Variants in EML5 observed in about 807,000 individuals in gnomAD.
EML5 encodes echinoderm microtubule-associated protein-like 5.
A neutral mutation model predicts 250.0 loss-of-function variants in EML5; 120 were observed. That is an observed-to-expected ratio of 0.48 (90% confidence interval 0.41 to 0.56). EML5 has a LOEUF of 0.56. Among genes scored for constraint, EML5 ranks in the 20% least tolerant of loss-of-function variants. The pLI is 0.00. For synonymous variants in EML5, 771 were observed against 806.5 expected, an observed-to-expected ratio of 0.96 and a Z score of 0.75; for missense variants, 2,006 against 2,437.6, an observed-to-expected ratio of 0.82 and a Z score of 3.73.
At chr14:88,776,428 A>G (rs1008653012) in intron 1 of EML5, among the ~76,000 whole-genome samples, 4 of 152,152 alleles carry the variant, frequency 2.6e-5, no homozygotes, top group Admixed American at 2.6e-4. Context: ...GAAATAATTT[A>G]CAAGAACCAA....
chr14:88,726,361 A>C (rs1566706730), intron 8 of EML5, among the ~76,000 whole-genome samples, 180 bp downstream of exon 8: 1 of 152,186 alleles, frequency 6.6e-6, no homozygotes, highest in Non-Finnish European at 1.5e-5. Flanking sequence ...TATTTTTATA[A>C]ATATATTTTT....
chr14:88,758,778 T>A (rs2094197649), intron 1 of EML5, among the ~76,000 whole-genome samples: 1 of 152,196 alleles, frequency 6.6e-6, no homozygotes, highest in African/African-American at 2.4e-5. Flanking sequence ...AATCCAAATG[T>A]TTGACTGAAT....
chr14:88,618,460 C>A, intron 40 of EML5, 129 bp from the exon 41 acceptor site: 1 of 1,092,538 alleles, frequency 9.2e-7, no homozygotes, highest in South Asian at 1.6e-5. Flanking sequence ...TGCAAAAGAT[C>A]ACTACAAAAA....
chr14:88,681,516 A>G (rs960528618), intron 21 of EML5, among the ~76,000 whole-genome samples: 8 of 152,162 alleles, frequency 5.3e-5, no homozygotes, highest in Non-Finnish European at 7.4e-5. Context: ...TCAGCTGTCT[A>G]CCCTTAGTTT....
intron 1 of EML5, among the ~76,000 whole-genome samples, chr14:88,760,704 A>G (rs865810501): frequency 2.6e-5 from 4 of 152,102 alleles, no homozygotes; most frequent in African/African-American, 9.7e-5. Context: ...TCTTGTTGGG[A>G]TTATGATTAG....
At chr14:88,755,373 A>G (rs1488260648) in intron 1 of EML5, among the ~76,000 whole-genome samples, 1 of 152,148 alleles carries the variant, frequency 6.6e-6, no homozygotes, top group Admixed American at 6.5e-5. Context: ...ATAAAGTTAG[A>G]CAAAATCTTA....
chr14:88,667,711 A>T (rs532342172), intron 21 of EML5, among the ~76,000 whole-genome samples: 2 of 152,350 alleles, frequency 1.3e-5, no homozygotes, highest in East Asian at 3.9e-4. Flanking sequence ...TTTTACTAAC[A>T]GAGCCCGGGC....
At chr14:88,657,524 A>C in intron 26 of EML5, 22 bp from the exon 27 acceptor site, 3 of 1,574,540 alleles carry the variant, frequency 1.9e-6, no homozygotes, top group Non-Finnish European at 1.7e-6. Flanking sequence ...ATATACGAGT[A>C]ATTCTTTAAG....
chr14:88,719,109 G>A (rs1360710347), intron 8 of EML5, among the ~76,000 whole-genome samples: 1 of 152,154 alleles, frequency 6.6e-6, no homozygotes, highest in Non-Finnish European at 1.5e-5. Context: ...AATTTGACTA[G>A]GCATGGTGGC....
At chr14:88,689,412 G>A (rs541983181) in intron 17 of EML5, among the ~76,000 whole-genome samples, 1 of 152,322 alleles carries the variant, frequency 6.6e-6, no homozygotes, top group East Asian at 1.9e-4. Flanking sequence ...TAGGGAATAC[G>A]AAATACCAAC....
At chr14:88,679,561 G>A (rs35052140) in intron 21 of EML5, among the ~76,000 whole-genome samples, 25,431 of 151,874 alleles carry the variant, frequency 0.17, 2,779 homozygotes, top group African/African-American at 0.31. Context: ...CCGTGGTGGC[G>A]CACGCCTGTA....
intron 8 of EML5, among the ~76,000 whole-genome samples, chr14:88,717,131 A>C (rs752423456): frequency 8.5e-5 from 13 of 152,218 alleles, no homozygotes; most frequent in Non-Finnish European, 1.6e-4. Context: ...TATCAAAGGA[A>C]GTGGAGTAGA....
intron 1 of EML5, among the ~76,000 whole-genome samples, chr14:88,791,024 CA>C (rs557255171): frequency 4.0e-4 from 61 of 151,882 alleles, no homozygotes; most frequent in Middle Eastern, 3.4e-3. Context: ...CAAAAACAAA[CA>C]AAAAAAACCA....
At position 88,769,423 on chromosome 14, in the gene EML5, C is replaced by A. The variant is rs569920604; in HGVS notation, c.198-14752G>T. On this transcript the variant is annotated intron_variant, in intron 1 of 43. Coordinates refer to ENST00000554922, the MANE Select transcript of EML5 (RefSeq NM_183387.3). Reference sequence around the variant, plus strand: ...AGCAGAAACTGCTATGCTTCCTATACAACCTACAGAACTGTGAGCCAGCTA... The same window carrying A: ...AGCAGAAACTGCTATGCTTCCTATAAAACCTACAGAACTGTGAGCCAGCTA... 2.0e-5 allele frequency among the ~76,000 whole-genome samples: 3 copies of A among 152,290 alleles called. No individual in the cohort carries two copies. The South Asian group carries it at 6.2e-4, about 32-fold the overall frequency.
At chr14:88,673,294 T>C (rs146375598) in intron 21 of EML5, among the ~76,000 whole-genome samples, 1 of 152,322 alleles carries the variant, frequency 6.6e-6, no homozygotes, top group African/African-American at 2.4e-5. Flanking sequence ...ACCATATGAT[T>C]ATCTCAGTAT....
At chr14:88,622,524 G>T in intron 37 of EML5, 80 bp downstream of exon 37, 3 of 1,118,706 alleles carry the variant, frequency 2.7e-6, no homozygotes, top group Non-Finnish European at 3.8e-6. Context: ...TTGTTCATTA[G>T]GCTGCAAAGG....
At chr14:88,724,740 AATT>A (rs1377010367) in intron 8 of EML5, among the ~76,000 whole-genome samples, 10 of 152,322 alleles carry the variant, frequency 6.6e-5, no homozygotes, top group African/African-American at 2.4e-4. Flanking sequence ...CATGAATATT[AATT>A]ATTATTCATA....
At chr14:88,747,944 T>C (rs1326532470) in intron 2 of EML5, among the ~76,000 whole-genome samples, 1 of 152,156 alleles carries the variant, frequency 6.6e-6, no homozygotes, top group Non-Finnish European at 1.5e-5. Context: ...ACAAATGTTT[T>C]CAGACATTTG....
chr14:88,631,041 T>G (rs1363855663), intron 33 of EML5, among the ~76,000 whole-genome samples: 1 of 152,214 alleles, frequency 6.6e-6, no homozygotes, highest in Non-Finnish European at 1.5e-5. Context: ...GATGGGCAAC[T>G]GCCTGTCACT....
Sources: allele counts gnomAD v4.1 joint callset (sites outside exome capture counted in the v4.1 genomes callset), GRCh38; gene constraint gnomAD v4.1.1; transcripts MANE v1.5; gene names NCBI Gene and HGNC (gene_info 2026-07-23, HGNC 2026-07-21).